Variants in NRG3 observed in about 807,000 individuals in gnomAD.
NRG3 encodes the protein pro-neuregulin-3, membrane-bound isoform.
A neutral mutation model predicts 66.9 loss-of-function variants in NRG3; 31 were observed. That is an observed-to-expected ratio of 0.46 (90% confidence interval 0.35 to 0.63). The LOEUF (loss-of-function observed/expected upper bound fraction) is 0.63. Among genes scored for constraint, NRG3 ranks in the 20% least tolerant of loss-of-function variants. NRG3 has a pLI of 0.00. For missense variants in NRG3, 910 were observed against 878.9 expected, an observed-to-expected ratio of 1.04 and a Z score of -0.45; for synonymous variants, 393 against 359.4, an observed-to-expected ratio of 1.09 and a Z score of -1.06.
intron 2 of NRG3, among the ~76,000 whole-genome samples, chr10:82,636,882 A>G (rs1382453833): frequency 1.3e-5 from 2 of 151,752 alleles, no homozygotes; most frequent in South Asian, 2.1e-4. Context: ...GAGATAGAGA[A>G]TAAAATAGTG....
intron 2 of NRG3, among the ~76,000 whole-genome samples, chr10:82,549,421 C>T (rs2044154763): frequency 6.6e-6 from 1 of 152,078 alleles, no homozygotes; most frequent in Non-Finnish European, 1.5e-5. Context: ...TTCAAGTAAT[C>T]CTGGGTCTGC....
At chr10:82,236,929 A>T (rs2076784043) in intron 1 of NRG3, among the ~76,000 whole-genome samples, 1 of 151,834 alleles carries the variant, frequency 6.6e-6, no homozygotes, top group Non-Finnish European at 1.5e-5. Context: ...GTTAGCCAGG[A>T]TGGTCTCGAT....
chr10:82,952,327 G>T (rs2132369448), intron 5 of NRG3, among the ~76,000 whole-genome samples: 1 of 151,988 alleles, frequency 6.6e-6, no homozygotes, highest in African/African-American at 2.4e-5. Flanking sequence ...CACCTACTTG[G>T]GAGGCTGAGA....
intron 1 of NRG3, among the ~76,000 whole-genome samples, chr10:82,171,943 A>C (rs1014574304): frequency 6.6e-6 from 1 of 152,144 alleles, no homozygotes; most frequent in Non-Finnish European, 1.5e-5. Context: ...ATCACTCAGC[A>C]ATGTGCACAG....
chr10:81,975,455 A>T (rs1228073491), intron 1 of NRG3, among the ~76,000 whole-genome samples: 1 of 152,010 alleles, frequency 6.6e-6, no homozygotes, highest in Non-Finnish European at 1.5e-5. Flanking sequence ...CCAGAATTAT[A>T]TCCTAAGATG....
intron 2 of NRG3, among the ~76,000 whole-genome samples, chr10:82,607,945 C>CTT (rs548811909): frequency 1.7e-3 from 260 of 152,188 alleles, no homozygotes; most frequent in African/African-American, 6.1e-3. Flanking sequence ...TGACCAAATA[C>CTT]TTTGCCATTA....
intron 2 of NRG3, among the ~76,000 whole-genome samples, chr10:82,382,914 C>T (rs971181688): frequency 6.6e-6 from 1 of 151,818 alleles, no homozygotes; most frequent in African/African-American, 2.4e-5. Context: ...GAATTTAATC[C>T]TACTGCTTAA....
chr10:82,874,023 AGT>A (rs1841581391), intron 4 of NRG3, among the ~76,000 whole-genome samples: 1 of 151,996 alleles, frequency 6.6e-6, no homozygotes, highest in Admixed American at 6.6e-5. Flanking sequence ...AAAAAGAAAC[AGT>A]GTTTTCCATA....
intron 1 of NRG3, among the ~76,000 whole-genome samples, chr10:82,206,128 T>C (rs2133562862): frequency 6.6e-6 from 1 of 152,310 alleles, no homozygotes; most frequent in East Asian, 1.9e-4. Flanking sequence ...CTATTCACTC[T>C]TCTCACCTCC....
chr10:82,151,054 G>A (rs1457697132), intron 1 of NRG3, among the ~76,000 whole-genome samples: 1 of 152,206 alleles, frequency 6.6e-6, no homozygotes, highest in South Asian at 2.1e-4. Flanking sequence ...TGGCAAAAAT[G>A]TATGCTAAGG....
At chr10:82,944,745 A>G (rs764579159) in intron 4 of NRG3, among the ~76,000 whole-genome samples, 1 of 152,194 alleles carries the variant, frequency 6.6e-6, no homozygotes, top group Non-Finnish European at 1.5e-5. Context: ...TAAATGCATT[A>G]AAAACAAAAA....
intron 1 of NRG3, among the ~76,000 whole-genome samples, chr10:82,044,190 T>G (rs2063162060): frequency 6.6e-6 from 1 of 152,040 alleles, no homozygotes; most frequent in Non-Finnish European, 1.5e-5. Context: ...TGTGTATGAT[T>G]ATCATATACT....
At chr10:82,028,569 A>T (rs1006192301) in intron 1 of NRG3, among the ~76,000 whole-genome samples, 1 of 152,096 alleles carries the variant, frequency 6.6e-6, no homozygotes, top group South Asian at 2.1e-4. Context: ...CACTTTGGCC[A>T]AATTGAATGA....
chr10:82,421,059 C>T (rs576494787), intron 2 of NRG3, among the ~76,000 whole-genome samples: 1 of 152,128 alleles, frequency 6.6e-6, no homozygotes, highest in East Asian at 1.9e-4. Flanking sequence ...TCTGTTTGTG[C>T]TGGTGGTTGC....
At chr10:82,430,148 C>A (rs746818198) in intron 2 of NRG3, among the ~76,000 whole-genome samples, 2 of 152,100 alleles carry the variant, frequency 1.3e-5, no homozygotes, top group Non-Finnish European at 2.9e-5. Flanking sequence ...CATTCAATGT[C>A]TTTTTCTAGT....
At chr10:81,994,263 T>C (rs1247164973) in intron 1 of NRG3, among the ~76,000 whole-genome samples, 1 of 152,184 alleles carries the variant, frequency 6.6e-6, no homozygotes, top group Non-Finnish European at 1.5e-5. Flanking sequence ...AAATGCTTTT[T>C]ATGCCTCTTG....
At chr10:82,432,830 G>A (rs2089909735) in intron 2 of NRG3, among the ~76,000 whole-genome samples, 1 of 152,148 alleles carries the variant, frequency 6.6e-6, no homozygotes, top group South Asian at 2.1e-4. Flanking sequence ...GTTGCATGGT[G>A]TATATGTACA....
intron 2 of NRG3, among the ~76,000 whole-genome samples, chr10:82,669,940 A>AT (rs2053129632): frequency 6.6e-6 from 1 of 151,942 alleles, no homozygotes; most frequent in African/African-American, 2.4e-5. Context: ...AAAAAAAAAA[A>AT]GAAAACAAAA....
intron 4 of NRG3, among the ~76,000 whole-genome samples, chr10:82,873,009 G>A (rs928827471): frequency 2.6e-5 from 4 of 152,112 alleles, no homozygotes; most frequent in Admixed American, 6.5e-5. Context: ...AGGTTTTTGA[G>A]TAGATTTATT....
Sources: allele counts gnomAD v4.1 joint callset (sites outside exome capture counted in the v4.1 genomes callset), GRCh38; gene constraint gnomAD v4.1.1; transcripts MANE v1.5; gene names NCBI Gene and HGNC (gene_info 2026-07-23, HGNC 2026-07-21).